The following KCNMB2 variants were observed in gnomAD, a reference collection of about 807,000 sequenced individuals.
KCNMB2 encodes the protein calcium-activated potassium channel subunit beta-2.
In KCNMB2, 9 loss-of-function variants were observed where a neutral mutation model predicts 24.5. That is an observed-to-expected ratio of 0.37 (90% CI 0.22 to 0.64). The LOEUF is 0.64. KCNMB2 is among the 30% of genes least tolerant of loss of function. The probability of loss-of-function intolerance (pLI) is 0.63; values close to 1 mark genes in which losing one functional copy is unlikely to be tolerated. For synonymous variants in KCNMB2, 109 were observed against 104.4 expected (o/e 1.04, Z -0.27); for missense variants, 226 against 284.3 (o/e 0.79, Z 1.47).
At chr3:178,790,723 G>A (rs1713288230) in intron 1 of KCNMB2, among the ~76,000 whole-genome samples, 1 of 152,224 alleles carries the variant, frequency 6.6e-6, no homozygotes, top group Non-Finnish European at 1.5e-5. Flanking sequence ...AGGTGCTTGT[G>A]TCACCCCTCC....
chr3:178,568,762 A>C (rs1387227445), intron 1 of KCNMB2, among the ~76,000 whole-genome samples: 1 of 130,082 alleles, frequency 7.7e-6, no homozygotes, highest in Non-Finnish European at 1.6e-5. Context: ...GATAGATGAT[A>C]GATAGATAGA....
intron 1 of KCNMB2, among the ~76,000 whole-genome samples, chr3:178,703,398 A>C (rs1218339658): frequency 6.6e-6 from 1 of 152,134 alleles, no homozygotes; most frequent in Non-Finnish European, 1.5e-5. Context: ...AAAGGGGAGA[A>C]AAAAGGAAAA....
At chr3:178,759,652 T>A (rs1281617461) in intron 1 of KCNMB2, among the ~76,000 whole-genome samples, 1 of 106,184 alleles carries the variant, frequency 9.4e-6, no homozygotes, top group Non-Finnish European at 1.9e-5. Flanking sequence ...TATATATATA[T>A]CTCCAAGAGG....
intron 4 of KCNMB2, among the ~76,000 whole-genome samples, chr3:178,840,927 A>G (rs1577229150): frequency 6.6e-6 from 1 of 152,352 alleles, no homozygotes; most frequent in Non-Finnish European, 1.5e-5. Flanking sequence ...TTCTCCCCAG[A>G]AAATGGGTTT....
intron 1 of KCNMB2, among the ~76,000 whole-genome samples, chr3:178,766,028 T>C (rs1348667712): frequency 6.6e-6 from 1 of 152,112 alleles, no homozygotes; most frequent in Non-Finnish European, 1.5e-5. Context: ...GCCTAGAATA[T>C]AACCAAATGT....
At chr3:178,624,153 A>T (rs146268475) in intron 1 of KCNMB2, among the ~76,000 whole-genome samples, 1 of 152,168 alleles carries the variant, frequency 6.6e-6, no homozygotes. Flanking sequence ...GCATTCAAGT[A>T]AGGGCAGATT....
chr3:178,755,562 T>C (rs1347031688), intron 1 of KCNMB2, among the ~76,000 whole-genome samples: 1 of 152,222 alleles, frequency 6.6e-6, no homozygotes, highest in Admixed American at 6.5e-5. Flanking sequence ...GTCAATGTTA[T>C]TGCTATGGTA....
At chr3:178,544,089 C>T (rs1341086404) in intron 1 of KCNMB2, among the ~76,000 whole-genome samples, 2 of 152,076 alleles carry the variant, frequency 1.3e-5, no homozygotes, top group Non-Finnish European at 2.9e-5. Flanking sequence ...ATAAGTGTTT[C>T]TTGAAAGAAC....
At chr3:178,717,925 C>G (rs1722672437) in intron 1 of KCNMB2, among the ~76,000 whole-genome samples, 1 of 151,768 alleles carries the variant, frequency 6.6e-6, no homozygotes, top group Non-Finnish European at 1.5e-5. Context: ...TTTGGTGACT[C>G]CTGAGAATCT....
At chr3:178,785,840 C>T (rs1713079911) in intron 1 of KCNMB2, among the ~76,000 whole-genome samples, 1 of 152,086 alleles carries the variant, frequency 6.6e-6, no homozygotes, top group Non-Finnish European at 1.5e-5. Context: ...TATAAATAAA[C>T]AGCTCTGTGT....
chr3:178,805,445 C>CTAGT (rs1713928066), intron 1 of KCNMB2, among the ~76,000 whole-genome samples: 1 of 150,674 alleles, frequency 6.6e-6, no homozygotes, highest in African/African-American at 2.5e-5. Context: ...GGTCACACAG[C>CTAGT]TAGTTAGTGA....
chr3:178,829,085 A>G lies in KCNMB2; in HGVS notation c.423+712A>G, dbSNP rs182288031. On this transcript the variant is annotated intron_variant, in intron 4 of 4. Transcript: ENST00000452583. ...GTATTTTATTAAAGCTTTACATAAA[A>G]TTTACATTTATAAGGTCTGGGATGA... 1.1e-4 allele frequency among the ~76,000 whole-genome samples: 16 copies of G among 152,296 alleles called. No homozygotes were observed. The East Asian group carries it at 3.1e-3, about 29-fold the overall frequency.
At chr3:178,636,871 C>G (rs933418268) in intron 1 of KCNMB2, among the ~76,000 whole-genome samples, 1 of 152,100 alleles carries the variant, frequency 6.6e-6, no homozygotes, top group East Asian at 1.9e-4. Flanking sequence ...TGCCCCCCAA[C>G]AGACCACAGT....
At chr3:178,784,704 C>A (rs184446835) in intron 1 of KCNMB2, among the ~76,000 whole-genome samples, 1,652 of 148,822 alleles carry the variant, frequency 0.011, 30 homozygotes, top group African/African-American at 0.039. Flanking sequence ...AATCATTATT[C>A]CTGTTAACTG....
intron 1 of KCNMB2, among the ~76,000 whole-genome samples, chr3:178,761,426 A>T (rs1222491208): frequency 1.3e-5 from 2 of 152,236 alleles, no homozygotes; most frequent in African/African-American, 2.4e-5. Flanking sequence ...CTTAACAGAT[A>T]TTATTTATCT....
At chr3:178,604,942 C>T (rs1488991923) in intron 1 of KCNMB2, among the ~76,000 whole-genome samples, 2 of 152,160 alleles carry the variant, frequency 1.3e-5, no homozygotes, top group Non-Finnish European at 2.9e-5. Context: ...GATATAATAG[C>T]TTATGACCAA....
intron 1 of KCNMB2, among the ~76,000 whole-genome samples, chr3:178,695,706 T>C (rs115548292): frequency 0.016 from 2,410 of 152,246 alleles, 67 homozygotes; most frequent in African/African-American, 0.055. Context: ...TTTCATTGTC[T>C]ATATTGTTGT....
At chr3:178,647,393 G>C (rs145929115) in intron 1 of KCNMB2, among the ~76,000 whole-genome samples, 16 of 152,284 alleles carry the variant, frequency 1.1e-4, no homozygotes, top group Non-Finnish European at 2.1e-4. Context: ...GAGAAAAAGA[G>C]TTTAGTTGCT....
At chr3:178,576,470 G>T (rs779673627) in intron 1 of KCNMB2, among the ~76,000 whole-genome samples, 11 of 152,100 alleles carry the variant, frequency 7.2e-5, no homozygotes, top group Non-Finnish European at 1.6e-4. Flanking sequence ...CCCCAGTGGT[G>T]CCTGGAAAAC....
Sources: gnomAD v4.1 joint callset for allele counts (sites outside exome capture counted in the v4.1 genomes callset) on GRCh38, gnomAD v4.1.1 for gene constraint, MANE v1.5 for transcripts, NCBI Gene and HGNC (gene_info 2026-07-23, HGNC 2026-07-21) for gene names.